Variants in STK17A observed in about 807,000 individuals in gnomAD.
STK17A encodes the protein serine/threonine-protein kinase 17A.
Under a neutral mutation model 43.7 loss-of-function variants are expected in STK17A, and 26 were observed. The observed-to-expected ratio is 0.60, with a 90% CI of 0.44 to 0.83. The LOEUF (loss-of-function observed/expected upper bound fraction) is 0.83. Among genes scored for constraint, STK17A ranks in the 40% least tolerant of loss-of-function variants. The pLI, the probability that STK17A is intolerant of heterozygous loss-of-function variation, is 0.00. For synonymous variants in STK17A, 191 were observed against 182.5 expected, an observed-to-expected ratio of 1.05 and a Z score of -0.38; for missense variants, 476 against 511.6, an observed-to-expected ratio of 0.93 and a Z score of 0.67.
At chr7:43,614,291 A>G (rs1436408521) in intron 3 of STK17A, among the ~76,000 whole-genome samples, 2 of 152,214 alleles carry the variant, frequency 1.3e-5, no homozygotes, top group Admixed American at 6.5e-5. Context: ...TTTTCTGCCT[A>G]TTCCACTGTT....
rs140878415 is a variant in STK17A at position 43,585,748 on chromosome 7, G to T, written c.206+2299G>T. On this transcript the variant is annotated intron_variant, in intron 1 of 6. Transcript: ENST00000319357. Reference sequence around the variant, plus strand: ...TTATTGCCTCATAGGGTTGGTGAGAGAATTAAGTAAAACACATAGCCTTAA... The same window carrying T: ...TTATTGCCTCATAGGGTTGGTGAGATAATTAAGTAAAACACATAGCCTTAA... Among the ~76,000 whole-genome samples the T allele has an allele frequency of 2.0e-5, 3 of 151,416 alleles. No individual in the cohort carries two copies. The East Asian group carries it at 5.8e-4, about 29-fold the overall frequency.
At chr7:43,600,087 C>T (rs1269610136) in intron 2 of STK17A, among the ~76,000 whole-genome samples, 1 of 152,160 alleles carries the variant, frequency 6.6e-6, no homozygotes, top group African/African-American at 2.4e-5. Context: ...CGGACACGCC[C>T]AAAATAATAC....
At chr7:43,600,222 A>G (rs1241507483) in intron 2 of STK17A, among the ~76,000 whole-genome samples, 5 of 152,228 alleles carry the variant, frequency 3.3e-5, no homozygotes, top group Non-Finnish European at 5.9e-5. Context: ...TAATTTCCAA[A>G]TAAAGACAGT....
intron 3 of STK17A, among the ~76,000 whole-genome samples, chr7:43,615,742 A>G (rs1403436879): frequency 1.3e-5 from 2 of 152,180 alleles, no homozygotes; most frequent in Non-Finnish European, 2.9e-5. Flanking sequence ...CCAGCCACAC[A>G]GGATTTCCTG....
intron 2 of STK17A, among the ~76,000 whole-genome samples, chr7:43,607,788 C>T (rs916152207): frequency 1.3e-5 from 2 of 151,514 alleles, no homozygotes; most frequent in African/African-American, 2.4e-5. Flanking sequence ...TGACAATAAA[C>T]TGTGATTAAG....
At chr7:43,592,694 A>T (rs2082488028) in intron 1 of STK17A, among the ~76,000 whole-genome samples, 1 of 151,596 alleles carries the variant, frequency 6.6e-6, no homozygotes, top group Non-Finnish European at 1.5e-5. Context: ...TACTAAAAAA[A>T]AAAAAAAAAA....
At chr7:43,608,521 G>T in intron 3 of STK17A, 121 bp downstream of exon 3, 1 of 1,215,938 alleles carries the variant, frequency 8.2e-7, no homozygotes, top group Non-Finnish European at 1.1e-6. Context: ...AAGGATATTA[G>T]AATTGAGTCT....
At chr7:43,619,480 GT>G (rs2083651539) in intron 3 of STK17A, 116 bp from the exon 4 acceptor site, 2 of 1,286,868 alleles carry the variant, frequency 1.6e-6, no homozygotes, top group Non-Finnish European at 2.1e-6. Context: ...ACAAATGACT[GT>G]TTACTGTTAA....
At chr7:43,592,779 T>C (rs549486001) in intron 1 of STK17A, among the ~76,000 whole-genome samples, 1 of 152,002 alleles carries the variant, frequency 6.6e-6, no homozygotes, top group African/African-American at 2.4e-5. Context: ...GGCATGAGAA[T>C]TGCTTGAACC....
intron 3 of STK17A, among the ~76,000 whole-genome samples, chr7:43,616,434 G>A (rs180858186): frequency 1.3e-5 from 2 of 152,238 alleles, no homozygotes; most frequent in Admixed American, 1.3e-4. Flanking sequence ...TAAATGTGTG[G>A]TAGGCACTGA....
intron 1 of STK17A, among the ~76,000 whole-genome samples, chr7:43,585,523 T>A: frequency 6.6e-6 from 1 of 151,640 alleles, no homozygotes; most frequent in East Asian, 1.9e-4. Context: ...TGCATAACAA[T>A]GCAGTTATTA....
intron 3 of STK17A, among the ~76,000 whole-genome samples, chr7:43,617,701 A>G (rs925457989): frequency 6.6e-6 from 1 of 152,214 alleles, no homozygotes; most frequent in Non-Finnish European, 1.5e-5. Context: ...GGTCTGAAAG[A>G]GAGAAAAACA....
chr7:43,603,230 T>G (rs1386453955), intron 2 of STK17A, among the ~76,000 whole-genome samples: 5 of 152,188 alleles, frequency 3.3e-5, no homozygotes, highest in African/African-American at 1.2e-4. Context: ...CAGGTTTTTT[T>G]TAGACCAAAA....
At chr7:43,616,293 C>A (rs953680557) in intron 3 of STK17A, among the ~76,000 whole-genome samples, 2 of 152,144 alleles carry the variant, frequency 1.3e-5, no homozygotes, top group African/African-American at 4.8e-5. Context: ...TCTATTTTCT[C>A]TTGATTATAA....
chr7:43,622,410 G>A lies in STK17A; in HGVS notation c.692-1162G>A, dbSNP rs115812311. 21 of 151,906 alleles carry A rather than the reference G, an allele frequency of 1.4e-4. No homozygotes were observed. The South Asian group carries it at 2.5e-3, about 18-fold the overall frequency. 9.4% of individuals were successfully genotyped at this position (151,906 alleles called of 1,614,324 possible). ...GTAGATACATGACCTTGAGTATTTCGTTTTTTCATAGAAATAGAACATTTT... is the reference window on the plus strand; with the variant it reads ...GTAGATACATGACCTTGAGTATTTCATTTTTTCATAGAAATAGAACATTTT... On this transcript the variant is annotated intron_variant, in intron 4 of 6. Coordinates refer to ENST00000319357, the MANE Select transcript of STK17A (RefSeq NM_004760.3).
In STK17A at chr7:43,627,114, AT is replaced by A. The variant is rs2084640748; in HGVS notation, c.*2273del. 6.6e-6 allele frequency among the ~76,000 whole-genome samples: 1 copy of A among 152,222 alleles called. No homozygotes were observed. Among genetic ancestry groups the A allele is most frequent in the Non-Finnish European group, 1.5e-5 (1 of 68,036 alleles). The stretch of plus-strand genomic sequence containing the variant: ...ACTATTGAGTTTACTCGGTTTATAA[AT>A]CCAGTTTTAACTATAATTCAACAAT... On this transcript the variant is annotated 3_prime_UTR_variant, in exon 7 of 7. Transcript: ENST00000319357.
chr7:43,615,022 G>C (rs1265522040), intron 3 of STK17A, among the ~76,000 whole-genome samples: 1 of 152,180 alleles, frequency 6.6e-6, no homozygotes, highest in Admixed American at 6.5e-5. Flanking sequence ...ATTTGGTGAA[G>C]ATTTTCCCTA....
chr7:43,601,748 A>G (rs187329027), intron 2 of STK17A, among the ~76,000 whole-genome samples: 115 of 152,270 alleles, frequency 7.6e-4, no homozygotes, highest in African/African-American at 1.8e-3. Context: ...GAAACCCAGA[A>G]TGCATGCTGT....
At chr7:43,598,768 G>GGT (rs2082537057) in intron 2 of STK17A, among the ~76,000 whole-genome samples, 1 of 151,104 alleles carries the variant, frequency 6.6e-6, no homozygotes, top group Non-Finnish European at 1.5e-5. Context: ...TTTGGTTTTT[G>GGT]GTTTTTTTTT....
Sources: gnomAD v4.1 joint callset for allele counts (sites outside exome capture counted in the v4.1 genomes callset) on GRCh38, gnomAD v4.1.1 for gene constraint, MANE v1.5 for transcripts, NCBI Gene and HGNC (gene_info 2026-07-23, HGNC 2026-07-21) for gene names.